The following VSTM2A variants were observed in gnomAD, a reference collection of about 807,000 sequenced individuals.
VSTM2A encodes V-set and transmembrane domain containing 2A, also known as V-set and transmembrane domain-containing protein 2A.
In VSTM2A, 13 loss-of-function variants were observed where a neutral mutation model predicts 27.3. The observed-to-expected ratio is 0.48, with a 90% CI of 0.31 to 0.76. VSTM2A has a LOEUF of 0.76. VSTM2A is among the 30% of genes least tolerant of loss of function. VSTM2A has a pLI of 0.05. For missense variants in VSTM2A, 280 were observed against 310.0 expected, an observed-to-expected ratio of 0.90 and a Z score of 0.73; for synonymous variants, 142 against 125.7, an observed-to-expected ratio of 1.13 and a Z score of -0.87.
At chr7:54,564,810 A>G (rs373603212) in intron 4 of VSTM2A, among the ~76,000 whole-genome samples, 15 of 152,356 alleles carry the variant, frequency 9.8e-5, no homozygotes, top group African/African-American at 3.6e-4. Context: ...TATTTAAAAG[A>G]ATTCAGAGGA....
In VSTM2A at chr7:54,546,824, G is replaced by A. The variant is rs933285887; in HGVS notation, c.247-123G>A. The A allele has an allele frequency of 7.4e-6, 10 of 1,350,856 alleles. No homozygotes were observed. In the African/African-American group the frequency reaches 1.2e-4, roughly 16 times the overall value. The allele number at this position is 1,350,856 out of a possible 1,614,324, so 83.7% of individuals were successfully genotyped here. ...CTGGACAGGGGTGGCCACGCCCCTG[G>A]TCGCTCCCCTGTCCCCAGGTCACCC... On this transcript the variant is annotated intron_variant, in intron 2 of 4. Coordinates refer to ENST00000402613, the MANE Select transcript of VSTM2A (RefSeq NM_001301009.2).
rs115886247 is a variant in VSTM2A at position 54,553,984 on chromosome 7, A to G, written c.634+3814A>G. Reference sequence around the variant, plus strand: ...CCCCTTCCCACCTTCCCAACGTCACACAGAACTGTGAAGCGGCTTCCTGCT... The same window carrying G: ...CCCCTTCCCACCTTCCCAACGTCACGCAGAACTGTGAAGCGGCTTCCTGCT... On this transcript the variant is annotated intron_variant, in intron 4 of 4. Coordinates refer to ENST00000402613, the MANE Select transcript of VSTM2A (RefSeq NM_001301009.2). The G allele has an allele frequency of 3.5e-3, 5,418 of 1,552,910 alleles. 160 individuals carry two copies. The African/African-American group carries it at 0.063, about 18-fold the overall frequency.
chr7:54,560,352 C>T (rs1788517021), intron 4 of VSTM2A, among the ~76,000 whole-genome samples: 1 of 149,538 alleles, frequency 6.7e-6, no homozygotes, highest in Non-Finnish European at 1.5e-5. Flanking sequence ...AGAACATGAC[C>T]ATCAAGTTAG....
At chr7:54,554,244 C>G (rs1222374347) in intron 4 of VSTM2A, among the ~76,000 whole-genome samples, 1 of 152,036 alleles carries the variant, frequency 6.6e-6, no homozygotes, top group Non-Finnish European at 1.5e-5. Context: ...GCAGGCTGGT[C>G]ACCTATTTAC....
intron 4 of VSTM2A, among the ~76,000 whole-genome samples, chr7:54,553,338 CAG>C (rs1290992091): frequency 3.9e-5 from 6 of 152,156 alleles, no homozygotes; most frequent in Non-Finnish European, 5.9e-5. Context: ...GTTAGGCAAA[CAG>C]ATAAACAAAA....
At chr7:54,563,999 A>G (rs1017514394) in intron 4 of VSTM2A, among the ~76,000 whole-genome samples, 6 of 152,240 alleles carry the variant, frequency 3.9e-5, no homozygotes, top group Non-Finnish European at 7.3e-5. Flanking sequence ...AAACCTGAAT[A>G]AAAATTGCAT....
intron 3 of VSTM2A, among the ~76,000 whole-genome samples, chr7:54,548,625 T>C (rs1438067480): frequency 6.6e-6 from 1 of 152,168 alleles, no homozygotes; most frequent in Non-Finnish European, 1.5e-5. Context: ...ATAAATACTC[T>C]AGCTACCTCA....
chr7:54,555,969 A>C (rs1788343001), intron 4 of VSTM2A, among the ~76,000 whole-genome samples: 1 of 152,144 alleles, frequency 6.6e-6, no homozygotes, highest in African/African-American at 2.4e-5. Context: ...TGAGTGTAGA[A>C]CCAGAAATAA....
chr7:54,556,230 T>C (rs1216216254), intron 4 of VSTM2A, among the ~76,000 whole-genome samples: 2 of 152,314 alleles, frequency 1.3e-5, no homozygotes, highest in East Asian at 3.9e-4. Flanking sequence ...GCAGTGAAGG[T>C]GGTACTTGTG....
chr7:54,560,547 G>A (rs1482487203), intron 4 of VSTM2A, among the ~76,000 whole-genome samples: 2 of 152,090 alleles, frequency 1.3e-5, no homozygotes, highest in Non-Finnish European at 2.9e-5. Context: ...AGTATCAAGG[G>A]AAATCGGACA....
chr7:54,558,766 A>G (rs1351830229), intron 4 of VSTM2A: 4 of 152,126 alleles, frequency 2.6e-5, no homozygotes, highest in African/African-American at 9.6e-5. Flanking sequence ...AAGGAGACAT[A>G]TGATCACAGT....
intron 4 of VSTM2A, among the ~76,000 whole-genome samples, chr7:54,568,530 AT>A (rs1346295341): frequency 6.6e-6 from 1 of 151,484 alleles, no homozygotes. Flanking sequence ...GATTTCGAGG[AT>A]TAAAAAAAAA....
At chr7:54,567,973 G>A (rs1788775305) in intron 4 of VSTM2A, among the ~76,000 whole-genome samples, 2 of 152,166 alleles carry the variant, frequency 1.3e-5, no homozygotes, top group South Asian at 4.2e-4. Flanking sequence ...TTGAATAGAG[G>A]ACCACTCTGC....
chr7:54,568,772 A>T (rs1046776478), intron 4 of VSTM2A, among the ~76,000 whole-genome samples: 1 of 152,190 alleles, frequency 6.6e-6, no homozygotes, highest in Non-Finnish European at 1.5e-5. Context: ...TGCCCCTCTC[A>T]GTGTTCCCAG....
intron 4 of VSTM2A, among the ~76,000 whole-genome samples, chr7:54,562,212 G>A (rs544449020): frequency 1.1e-3 from 161 of 152,204 alleles, no homozygotes; most frequent in African/African-American, 3.7e-3. Flanking sequence ...GTGAGCCACC[G>A]CTCCCAGCCT....
chr7:54,552,430 G>T (rs1788226005), intron 4 of VSTM2A: 1 of 151,674 alleles, frequency 6.6e-6, no homozygotes, highest in South Asian at 2.1e-4. Context: ...CAGTATCTGG[G>T]GTGGATATTT....
chr7:54,548,832 G>A (rs1788087484), intron 3 of VSTM2A, among the ~76,000 whole-genome samples: 1 of 151,916 alleles, frequency 6.6e-6, no homozygotes, highest in Non-Finnish European at 1.5e-5. Flanking sequence ...ATGGCCGTTT[G>A]AAAGTGTAGT....
At chr7:54,569,031 T>A (rs757249812) in intron 4 of VSTM2A, 100 bp from the exon 5 acceptor site, 1 of 1,604,148 alleles carries the variant, frequency 6.2e-7, no homozygotes, top group Non-Finnish European at 8.5e-7. Flanking sequence ...CTACAAGCCA[T>A]GGACTTTCTG....
chr7:54,562,047 G>A (rs934443083), intron 4 of VSTM2A, among the ~76,000 whole-genome samples: 2 of 151,834 alleles, frequency 1.3e-5, no homozygotes, highest in Non-Finnish European at 2.9e-5. Flanking sequence ...CATCAGCCTC[G>A]CAAGTAGCTG....
Sources: allele counts gnomAD v4.1 joint callset (sites outside exome capture counted in the v4.1 genomes callset), GRCh38; gene constraint gnomAD v4.1.1; transcripts MANE v1.5; gene names NCBI Gene and HGNC (gene_info 2026-07-23, HGNC 2026-07-21).